Variants in SKA1 observed in about 807,000 individuals in gnomAD.
SKA1 encodes SKA complex subunit 1.
Under a neutral mutation model 31.8 loss-of-function variants are expected in SKA1, and 20 were observed. That is an observed-to-expected ratio of 0.63 (90% CI 0.44 to 0.91). The LOEUF is 0.91. SKA1 is among the 40% of genes least tolerant of loss of function. SKA1 has a pLI of 0.00. For missense variants in SKA1, 253 were observed against 298.2 expected (o/e 0.85, Z 1.12); for synonymous variants, 88 against 100.5 (o/e 0.88, Z 0.74).
Position 50,385,361 on chromosome 18 carries a change from T to C in SKA1, c.449+8T>C. 6.3e-7 allele frequency: 1 copy of C among 1,584,078 alleles called. No homozygotes were observed. The highest frequency in any genetic ancestry group is 8.6e-7 in the Non-Finnish European group (1 of 1,165,036). On this transcript the variant is annotated splice_region_variant and intron_variant, in intron 5 of 6. Transcript: ENST00000285116. ...GTTCAATGGTGTTCCTTCGTAAGTA[T>C]TTAAGATAAATAATGTTCAACCCCT...
intron 4 of SKA1, among the ~76,000 whole-genome samples, chr18:50,383,126 G>T (rs77831099): frequency 1.9e-4 from 29 of 152,144 alleles, no homozygotes; most frequent in African/African-American, 6.7e-4. Flanking sequence ...CCCTTACAAG[G>T]TGTGTCTGTG....
chr18:50,384,871 T>TAAA (rs10608403), intron 4 of SKA1, among the ~76,000 whole-genome samples: 18 of 82,606 alleles, frequency 2.2e-4, no homozygotes, highest in East Asian at 3.8e-4. Flanking sequence ...AAAAAAAAAT[T>TAAA]AAAAAAAAAA....
At chr18:50,377,921 G>GT (rs2041233413) in intron 2 of SKA1, among the ~76,000 whole-genome samples, 2 of 152,102 alleles carry the variant, frequency 1.3e-5, no homozygotes, top group African/African-American at 4.8e-5. Context: ...AAGGGACTGG[G>GT]TTCATCTTAA....
intron 5 of SKA1, among the ~76,000 whole-genome samples, chr18:50,389,774 T>C (rs923761930): frequency 4.6e-5 from 7 of 152,222 alleles, no homozygotes; most frequent in Admixed American, 4.6e-4. Flanking sequence ...ATCTTTGTTA[T>C]TGTTGCTCAT....
Position 50,375,175 on chromosome 18 carries a change from T to C in SKA1, c.-31T>C, listed in dbSNP as rs1477340728. The C allele has an allele frequency of 6.6e-6, 1 of 152,494 alleles. No individual in the cohort carries two copies. The highest frequency in any genetic ancestry group is 2.4e-5 in the African/African-American group (1 of 41,482). 9.4% of individuals were successfully genotyped at this position (152,494 alleles called of 1,614,324 possible). ...GGAGACCCAGCGGCGAGTAGCCTTT[T>C]GCTCCCGGACGGACTTGAGGTTGGA... On this transcript the variant is annotated 5_prime_UTR_variant, in exon 1 of 7. Coordinates refer to ENST00000285116, the MANE Select transcript of SKA1 (RefSeq NM_145060.4).
intron 6 of SKA1, 97 bp downstream of exon 6, chr18:50,391,390 G>A (rs1406338457): frequency 2.5e-6 from 3 of 1,181,826 alleles, no homozygotes; most frequent in East Asian, 2.9e-5. Flanking sequence ...TAAATCTAGA[G>A]TGTTAATTCC....
At chr18:50,381,894 T>G (rs546869686) in intron 3 of SKA1, among the ~76,000 whole-genome samples, 2 of 152,188 alleles carry the variant, frequency 1.3e-5, no homozygotes, top group African/African-American at 2.4e-5. Context: ...CCCGGCTAAA[T>G]TTTTGTATTT....
chr18:50,382,039 T>C, intron 3 of SKA1, 90 bp from the exon 4 acceptor site: 1 of 799,162 alleles, frequency 1.3e-6, no homozygotes, highest in Non-Finnish European at 2.0e-6. Context: ...TCACTGTGAT[T>C]ATGGTTCACT....
intron 5 of SKA1, among the ~76,000 whole-genome samples, chr18:50,387,812 A>T (rs78479965): frequency 6.6e-6 from 1 of 152,156 alleles, no homozygotes; most frequent in Non-Finnish European, 1.5e-5. Flanking sequence ...AAACATAGTT[A>T]TTTGAGTTAG....
chr18:50,377,417 G>A (rs138205330), intron 2 of SKA1, among the ~76,000 whole-genome samples: 1 of 152,306 alleles, frequency 6.6e-6, no homozygotes, highest in Non-Finnish European at 1.5e-5. Context: ...GGTAAAAGTA[G>A]TTCATAACCC....
At chr18:50,376,490 A>G (rs2041216653) in intron 2 of SKA1, among the ~76,000 whole-genome samples, 1 of 152,230 alleles carries the variant, frequency 6.6e-6, no homozygotes, top group African/African-American at 2.4e-5. Flanking sequence ...AAGATTAAAA[A>G]TGGAACACCT....
chr18:50,381,749 C>T (rs535484905), intron 3 of SKA1, among the ~76,000 whole-genome samples: 2 of 118,672 alleles, frequency 1.7e-5, no homozygotes, highest in African/African-American at 3.3e-5. Context: ...TTTTTTGAGA[C>T]GAGCCTTTCT....
At chr18:50,376,007 C>A in intron 2 of SKA1, 89 bp downstream of exon 2, 1 of 760,892 alleles carries the variant, frequency 1.3e-6, no homozygotes, top group Non-Finnish European at 2.1e-6. Flanking sequence ...GGTTAAGTGA[C>A]TGCATCTTAG....
chr18:50,388,974 A>G (rs189788184), intron 5 of SKA1, among the ~76,000 whole-genome samples: 134 of 152,230 alleles, frequency 8.8e-4, no homozygotes, highest in Middle Eastern at 6.8e-3. Context: ...ATGTTCCTAC[A>G]GTTACTCACT....
intron 5 of SKA1, among the ~76,000 whole-genome samples, chr18:50,387,562 C>T (rs2041320290): frequency 6.6e-6 from 1 of 151,970 alleles, no homozygotes; most frequent in African/African-American, 2.4e-5. Context: ...TTGTATTTCT[C>T]TTTGCATTTT....
At position 50,385,213 on chromosome 18, in the gene SKA1, T is replaced by A; in HGVS notation, c.312-3T>A. The A allele has an allele frequency of 6.2e-7, 1 of 1,608,460 alleles. No homozygotes were observed. The highest frequency in any genetic ancestry group is 1.1e-5 in the South Asian group (1 of 89,806). ...TGTATGTATGTACATCTGTATTCTG[T>A]AGTGTTAAGGGATCAGATCTTGATC... On this transcript the variant is annotated splice_polypyrimidine_tract_variant and splice_region_variant and intron_variant, in intron 4 of 6. Transcript: ENST00000285116.
chr18:50,383,574 C>G (rs2041279449), intron 4 of SKA1, among the ~76,000 whole-genome samples: 1 of 152,196 alleles, frequency 6.6e-6, no homozygotes. Flanking sequence ...CTCCCATCAC[C>G]TCGGTGAGGA....
chr18:50,383,696 C>A (rs2041280323), intron 4 of SKA1, among the ~76,000 whole-genome samples: 1 of 152,182 alleles, frequency 6.6e-6, no homozygotes. Flanking sequence ...TGACTATGGC[C>A]TAGCCTCAAC....
At chr18:50,384,195 T>G (rs1301411645) in intron 4 of SKA1, among the ~76,000 whole-genome samples, 1 of 152,238 alleles carries the variant, frequency 6.6e-6, no homozygotes, top group Non-Finnish European at 1.5e-5. Flanking sequence ...TAATTTACCA[T>G]TCAGATAAGA....
Sources: allele counts gnomAD v4.1 joint callset (sites outside exome capture counted in the v4.1 genomes callset), GRCh38; gene constraint gnomAD v4.1.1; transcripts MANE v1.5; gene names NCBI Gene and HGNC (gene_info 2026-07-23, HGNC 2026-07-21).